Variants in ZNF549 observed in about 807,000 individuals in gnomAD.
ZNF549 encodes the protein zinc finger protein 549.
Under a neutral mutation model 11.1 loss-of-function variants are expected in ZNF549, and 11 were observed. That is an observed-to-expected ratio of 0.99 (90% CI 0.62 to 1.64). The LOEUF is 1.64. Among genes scored for constraint, ZNF549 ranks in the 40% most tolerant of loss-of-function variants. The pLI is 0.00. For synonymous variants in ZNF549, 266 were observed against 269.1 expected, an observed-to-expected ratio of 0.99 and a Z score of 0.11; for missense variants, 748 against 765.1, an observed-to-expected ratio of 0.98 and a Z score of 0.26.
At chr19:57,537,120 C>G in intron 3 of ZNF549, 84 bp from the exon 4 acceptor site, 1 of 1,476,236 alleles carries the variant, frequency 6.8e-7, no homozygotes, top group Non-Finnish European at 9.1e-7. Flanking sequence ...CTCGTCCCTC[C>G]CTGTGTTCCA....
intron 1 of ZNF549, 72 bp downstream of exon 1, chr19:57,527,678 G>C: frequency 1.3e-6 from 2 of 1,561,618 alleles, no homozygotes; most frequent in Non-Finnish European, 1.7e-6. Context: ...GTGGGTCTCT[G>C]CAGTTCAGGC....
chr19:57,538,225 C>T lies in ZNF549; in HGVS notation c.1221C>T (p.His407=), dbSNP rs1208401057. ...SFIYKQSLLD[H]HRIHTGERPY... ...TATACAAACAGTCACTTCTTGATCA[C>T]CATAGAATCCACACGGGAGAAAGGC... The change falls in exon 4 of 4, where the codon CAC becomes CAT. Residue 407 remains histidine, a synonymous_variant. Coordinates refer to ENST00000376233, the MANE Select transcript of ZNF549 (RefSeq NM_001199295.2). The T allele has an allele frequency of 6.2e-7, 1 of 1,613,624 alleles. No individual in the cohort carries two copies. Among genetic ancestry groups the T allele is most frequent in the Non-Finnish European group, 8.5e-7 (1 of 1,179,906 alleles).
rs2089945594 is a variant in ZNF549 at position 57,539,479 on chromosome 19, T to C, written c.*552T>C. The C allele has an allele frequency of 6.5e-6, 1 of 152,768 alleles. No homozygotes were observed. The highest frequency in any genetic ancestry group is 2.4e-5 in the African/African-American group (1 of 41,446). The allele number at this position is 152,768 out of a possible 1,614,324, so 9.5% of individuals were successfully genotyped here. On this transcript the variant is annotated 3_prime_UTR_variant, in exon 4 of 4. Transcript: ENST00000376233. ...TGTGAAGGGTGAACAGCTCCAACTT[T>C]ATGTCCCCCCAGGGACATAGTATGA...
At chr19:57,527,971 A>G (rs1361551787) in intron 1 of ZNF549, among the ~76,000 whole-genome samples, 1 of 152,192 alleles carries the variant, frequency 6.6e-6, no homozygotes, top group African/African-American at 2.4e-5. Flanking sequence ...GGAGAACACG[A>G]TCTGAGTGAG....
intron 1 of ZNF549, among the ~76,000 whole-genome samples, chr19:57,529,124 G>A (rs1015347576): frequency 2.0e-5 from 3 of 152,178 alleles, no homozygotes; most frequent in Admixed American, 6.5e-5. Context: ...AATTATCACT[G>A]TGTTACAGTT....
intron 1 of ZNF549, among the ~76,000 whole-genome samples, chr19:57,528,119 G>A (rs915218557): frequency 3.2e-4 from 49 of 152,258 alleles, no homozygotes; most frequent in African/African-American, 1.1e-3. Context: ...GGACCAGACG[G>A]GTTGCTGAAG....
At chr19:57,531,528 A>G (rs531795079) in intron 2 of ZNF549, among the ~76,000 whole-genome samples, 3 of 152,122 alleles carry the variant, frequency 2.0e-5, no homozygotes, top group South Asian at 4.2e-4. Context: ...AGAGTACAAT[A>G]TTTTTTTTCT....
At chr19:57,534,316 A>T (rs1371435709) in intron 2 of ZNF549, among the ~76,000 whole-genome samples, 1 of 152,172 alleles carries the variant, frequency 6.6e-6, no homozygotes, top group Non-Finnish European at 1.5e-5. Context: ...TTCAGAGGCA[A>T]AGCAGTAATG....
chr19:57,533,506 T>C (rs1215434945), intron 2 of ZNF549, among the ~76,000 whole-genome samples: 1 of 152,192 alleles, frequency 6.6e-6, no homozygotes, highest in Non-Finnish European at 1.5e-5. Flanking sequence ...TTCCCCTCTC[T>C]GCTGGAAGCA....
chr19:57,537,177 A>C, intron 3 of ZNF549, 27 bp from the exon 4 acceptor site: 1 of 1,593,058 alleles, frequency 6.3e-7, no homozygotes, highest in Non-Finnish European at 8.6e-7. Context: ...GTCTGCATAT[A>C]CTTCACTTGC....
At chr19:57,537,134 G>A (rs1046336918) in intron 3 of ZNF549, 70 bp from the exon 4 acceptor site, 1 of 1,517,024 alleles carries the variant, frequency 6.6e-7, no homozygotes, top group Admixed American at 2.0e-5. Context: ...TGTTCCACAG[G>A]TATTTGTAAT....
chr19:57,537,607 G>C lies in ZNF549; in HGVS notation c.603G>C (p.Gln201His), dbSNP rs2089931590. ...CCATCCTGGGCCTTCTCCAACACCA[G>C]ACCACCCACAGCAGACAAGAGTATG... ...FPTILGLLQH[Q>H]TTHSRQEYAH... Residue 201 changes from glutamine (Q) to histidine (H), a missense_variant, in exon 4 of 4, where the codon CAG (glutamine) becomes CAC (histidine). Physicochemically the swap from Gln to His is conservative, Grantham distance 24. Coordinates refer to ENST00000376233, the MANE Select transcript of ZNF549 (RefSeq NM_001199295.2). The C allele has an allele frequency of 6.2e-7, 1 of 1,614,168 alleles. No individual in the cohort carries two copies. The highest frequency in any genetic ancestry group is 1.3e-5 in the African/African-American group (1 of 75,042).
chr19:57,538,286 C>A lies in ZNF549; in HGVS notation c.1282C>A (p.His428Asn). ...CAAAGAATGTGGGAAGGCCTTCATT[C>A]ACAAAAAAAGACTTCTTGAGCACCA... ...ECKECGKAFI[H>N]KKRLLEHQRI... is the part of the protein sequence containing the mutation. The change falls in exon 4 of 4, where the codon CAC becomes AAC. Residue 428 changes from histidine to asparagine, a missense_variant. Physicochemically the swap from His to Asn is moderately conservative, Grantham distance 68 (BLOSUM62 1). Coordinates refer to ENST00000376233, the MANE Select transcript of ZNF549 (RefSeq NM_001199295.2). 1 of 1,612,986 alleles carries A rather than the reference C, an allele frequency of 6.2e-7. No homozygotes were observed.
intron 3 of ZNF549, among the ~76,000 whole-genome samples, chr19:57,536,528 C>T (rs1454860620): frequency 6.6e-6 from 1 of 152,200 alleles, no homozygotes; most frequent in Non-Finnish European, 1.5e-5. Context: ...TCTACTTAAG[C>T]TCTCAAACAT....
chr19:57,537,146 G>A, intron 3 of ZNF549, 58 bp from the exon 4 acceptor site: 1 of 1,545,800 alleles, frequency 6.5e-7, no homozygotes, highest in Non-Finnish European at 8.7e-7. Context: ...ATTTGTAATG[G>A]AGCTGTTCCC....
chr19:57,530,140 C>G (rs907986337), intron 1 of ZNF549, among the ~76,000 whole-genome samples: 6 of 152,092 alleles, frequency 3.9e-5, no homozygotes, highest in Non-Finnish European at 7.4e-5. Flanking sequence ...GGTGGAGTCT[C>G]TAGATAGCCT....
At chr19:57,528,591 C>A (rs777944965) in intron 1 of ZNF549, among the ~76,000 whole-genome samples, 1 of 152,088 alleles carries the variant, frequency 6.6e-6, no homozygotes, top group Non-Finnish European at 1.5e-5. Context: ...CATGGGGTTC[C>A]GGGGGTACTT....
At position 57,538,469 on chromosome 19, in the gene ZNF549, C is replaced by T. The variant is rs1190061146; in HGVS notation, c.1465C>T (p.Leu489Phe). 1.2e-6 allele frequency: 2 copies of T among 1,613,968 alleles called. No homozygotes were observed. Among genetic ancestry groups the T allele is most frequent in the South Asian group, 2.2e-5 (2 of 91,082 alleles). The change falls in exon 4 of 4, where the codon CTT becomes TTT. Residue 489 changes from leucine (L) to phenylalanine (F), a missense_variant. Transcript: ENST00000376233. Reference protein sequence around the residue: ...GKAFISKQTLLKHHKIHTRER... With the variant: ...GKAFISKQTLFKHHKIHTRER... ...AGCCTTCATCTCCAAACAAACACTTCTTAAGCATCACAAAATCCACACTAG... is the reference window on the plus strand; with the variant it reads ...AGCCTTCATCTCCAAACAAACACTTTTTAAGCATCACAAAATCCACACTAG...
chr19:57,539,127 AC>A lies in ZNF549; in HGVS notation c.*202del. ...TCTGCCCAGTGTTACAACAGACACTACCATGTGGCATATCCTCACCGTTTTC... is the reference window on the plus strand; with the variant it reads ...TCTGCCCAGTGTTACAACAGACACTACATGTGGCATATCCTCACCGTTTTC... On this transcript the variant is annotated 3_prime_UTR_variant, in exon 4 of 4. Transcript: ENST00000376233. The A allele has an allele frequency of 1.7e-6, 1 of 594,158 alleles. No homozygotes were observed. The highest frequency in any genetic ancestry group is 2.9e-6 in the Non-Finnish European group (1 of 343,398). 36.8% of individuals were successfully genotyped at this position (594,158 alleles called of 1,614,324 possible).
Sources: allele counts gnomAD v4.1 joint callset (sites outside exome capture counted in the v4.1 genomes callset), GRCh38; gene constraint gnomAD v4.1.1; transcripts MANE v1.5; gene names NCBI Gene and HGNC (gene_info 2026-07-23, HGNC 2026-07-21).